The following VWA3A variants were observed in gnomAD, a reference collection of about 807,000 sequenced individuals.
VWA3A encodes von Willebrand factor A domain containing 3A.
In VWA3A, 134 loss-of-function variants were observed where a neutral mutation model predicts 160.4. The ratio of observed to expected loss-of-function variants is 0.84; its 90% CI spans 0.73 to 0.96. VWA3A has a LOEUF of 0.96. Ranked by LOEUF, VWA3A falls within the 40% of genes least tolerant of loss-of-function variation. The pLI is 0.00. For missense variants in VWA3A, 1,310 were observed against 1,447.9 expected (o/e 0.90, Z 1.55); for synonymous variants, 476 against 543.4 (o/e 0.88, Z 1.72).
chr16:22,148,015 T>C, intron 27 of VWA3A, 147 bp from the exon 28 acceptor site: 1 of 1,059,004 alleles, frequency 9.4e-7, no homozygotes, highest in South Asian at 1.7e-5. Flanking sequence ...ACAAAAGCCG[T>C]CTCTCAGTGG....
chr16:22,140,347 C>T lies in VWA3A; in HGVS notation c.2383+103C>T. On this transcript the variant is annotated intron_variant, in intron 23 of 33. Coordinates refer to ENST00000389398, the MANE Select transcript of VWA3A (RefSeq NM_173615.5). ...CTAGAGCCACGTGTGGAAGCTCGTG[C>T]CTATAATCCCAGCACTTTTGGAGGC... 5 of 1,110,532 alleles carry T rather than the reference C, an allele frequency of 4.5e-6. No individual in the cohort carries two copies. In the South Asian group the frequency reaches 6.7e-5, roughly 15 times the overall value. The allele number at this position is 1,110,532 out of a possible 1,614,324, so 68.8% of individuals were successfully genotyped here.
At chr16:22,128,842 T>A (rs1056617106) in intron 17 of VWA3A, among the ~76,000 whole-genome samples, 2 of 152,018 alleles carry the variant, frequency 1.3e-5, no homozygotes, top group African/African-American at 4.8e-5. Flanking sequence ...GAAAATCAAA[T>A]ACAGCATGTT....
intron 1 of VWA3A, 30 bp downstream of exon 1, chr16:22,092,681 G>A: frequency 3.9e-6 from 6 of 1,550,372 alleles, no homozygotes; most frequent in Non-Finnish European, 5.2e-6. Flanking sequence ...GGGTTGACAG[G>A]GGTGGTGAGA....
chr16:22,128,577 TG>T (rs1377575081), intron 17 of VWA3A, among the ~76,000 whole-genome samples: 3 of 152,228 alleles, frequency 2.0e-5, no homozygotes, highest in Non-Finnish European at 4.4e-5. Flanking sequence ...ATCCCATCCC[TG>T]GGTACATACC....
chr16:22,124,530 CTATTATTAT>C (rs10564178), intron 16 of VWA3A, among the ~76,000 whole-genome samples: 1,455 of 141,158 alleles, frequency 0.01, 14 homozygotes, highest in African/African-American at 0.027. Context: ...TACTATACAT[CTATTATTAT>C]TATTATTATT....
At chr16:22,095,307 G>A (rs2045300051) in intron 1 of VWA3A, among the ~76,000 whole-genome samples, 2 of 152,142 alleles carry the variant, frequency 1.3e-5, no homozygotes, top group Non-Finnish European at 2.9e-5. Flanking sequence ...AAAGACAGCA[G>A]CACATGAAAA....
chr16:22,106,810 C>A (rs1400220462), intron 6 of VWA3A, among the ~76,000 whole-genome samples: 3 of 152,182 alleles, frequency 2.0e-5, no homozygotes, highest in African/African-American at 7.2e-5. Flanking sequence ...ACGATGGAGG[C>A]TTGGACTCAA....
At chr16:22,153,052 G>C (rs1232219328) in intron 31 of VWA3A, among the ~76,000 whole-genome samples, 3 of 152,120 alleles carry the variant, frequency 2.0e-5, no homozygotes, top group Admixed American at 6.6e-5. Context: ...CAAGGTTTAA[G>C]AATACACCTA....
intron 14 of VWA3A, 43 bp from the exon 15 acceptor site, chr16:22,123,042 C>CTTCT: frequency 6.6e-7 from 1 of 1,524,692 alleles, no homozygotes; most frequent in Non-Finnish European, 8.9e-7. Flanking sequence ...ACTACATGTA[C>CTTCT]TTCTGTTCGC....
At chr16:22,123,446 T>C in intron 15 of VWA3A, 167 bp from the exon 16 acceptor site, 2 of 1,541,334 alleles carry the variant, frequency 1.3e-6, no homozygotes, top group South Asian at 2.4e-5. Context: ...CCCTTCCTGT[T>C]CTTGTGGTGA....
chr16:22,104,608 G>T (rs545150875), intron 6 of VWA3A, among the ~76,000 whole-genome samples: 1 of 152,210 alleles, frequency 6.6e-6, no homozygotes, highest in African/African-American at 2.4e-5. Context: ...GAGCCCAGGA[G>T]CCTCAAGGCT....
chr16:22,117,087 C>T (rs2045661532), intron 10 of VWA3A, 24 bp from the exon 11 acceptor site: 1 of 1,567,842 alleles, frequency 6.4e-7, no homozygotes, highest in Non-Finnish European at 8.7e-7. Flanking sequence ...CTAGTGAGGC[C>T]TGACCCTGGC....
In VWA3A at chr16:22,141,578, T is replaced by G; in HGVS notation, c.2384-4T>G. The G allele has an allele frequency of 6.2e-7, 1 of 1,606,366 alleles. No individual in the cohort carries two copies. The highest frequency in any genetic ancestry group is 8.5e-7 in the Non-Finnish European group (1 of 1,176,494). On this transcript the variant is annotated splice_polypyrimidine_tract_variant and splice_region_variant and intron_variant, in intron 23 of 33. Coordinates refer to ENST00000389398, the MANE Select transcript of VWA3A (RefSeq NM_173615.5). ...CTCCAGCCAACAAGCCAAATGTTCC[T>G]CAGCTGCGGCCCAGCCAACGAAAGA... is the stretch of plus-strand genomic sequence containing the variant.
chr16:22,131,385 G>T, intron 18 of VWA3A, 106 bp downstream of exon 18: 1 of 1,461,518 alleles, frequency 6.8e-7, no homozygotes, highest in Admixed American at 2.0e-5. Flanking sequence ...TAGAGTCCCT[G>T]ACCCCAAACA....
intron 13 of VWA3A, 107 bp from the exon 14 acceptor site, chr16:22,121,407 G>T: frequency 2.2e-6 from 2 of 929,460 alleles, no homozygotes; most frequent in Non-Finnish European, 3.4e-6. Context: ...TTGTGCCACT[G>T]CACTCTAGCC....
chr16:22,133,174 A>C lies in VWA3A; in HGVS notation c.2068+79A>C, dbSNP rs974812881. On this transcript the variant is annotated intron_variant, in intron 20 of 33. Transcript: ENST00000389398. The stretch of plus-strand genomic sequence containing the variant: ...CCAGCATAGCTCCCTTAGACCACAG[A>C]TGTATTCCAGAAAAGCAGCTTGTGA... 1.3e-4 allele frequency: 185 copies of C among 1,436,544 alleles called. 3 individuals carry two copies. In the South Asian group the frequency reaches 1.9e-3, roughly 15 times the overall value. The allele number at this position is 1,436,544 out of a possible 1,614,324, so 89.0% of individuals were successfully genotyped here.
At chr16:22,093,505 C>T (rs1310557195) in intron 1 of VWA3A, among the ~76,000 whole-genome samples, 1 of 152,154 alleles carries the variant, frequency 6.6e-6, no homozygotes, top group African/African-American at 2.4e-5. Context: ...CCCCAGCACC[C>T]GTTCTCTCTG....
chr16:22,149,440 TCA>T (rs957865593), intron 28 of VWA3A, among the ~76,000 whole-genome samples: 3 of 152,162 alleles, frequency 2.0e-5, no homozygotes, highest in Non-Finnish European at 4.4e-5. Context: ...GATGGGGGTC[TCA>T]CTATGTTGCC....
rs2045785934 is a variant in VWA3A at position 22,123,599 on chromosome 16, C to T, written c.1438-14C>T. On this transcript the variant is annotated splice_polypyrimidine_tract_variant and intron_variant, in intron 15 of 33. Transcript: ENST00000389398. Reference sequence around the variant, plus strand: ...CCTTTGAGCAGCCGCTCACTGTGGCCCACACTTCTGCAGCAACAGCTCAGC... The same window carrying T: ...CCTTTGAGCAGCCGCTCACTGTGGCTCACACTTCTGCAGCAACAGCTCAGC... 1 of 1,613,728 alleles carries T rather than the reference C, an allele frequency of 6.2e-7. No individual in the cohort carries two copies. The highest frequency in any genetic ancestry group is 1.7e-5 in the Admixed American group (1 of 59,992).
Sources: allele counts gnomAD v4.1 joint callset (sites outside exome capture counted in the v4.1 genomes callset), GRCh38; gene constraint gnomAD v4.1.1; transcripts MANE v1.5; gene names NCBI Gene and HGNC (gene_info 2026-07-23, HGNC 2026-07-21).